Variants in SMARCAL1 observed in about 807,000 individuals in gnomAD.
SMARCAL1 encodes SNF2 related chromatin remodeling annealing helicase 1.
A neutral mutation model predicts 94.5 loss-of-function variants in SMARCAL1; 58 were observed. That is an observed-to-expected ratio of 0.61 (90% CI 0.50 to 0.76). The LOEUF (loss-of-function observed/expected upper bound fraction) is 0.76, where lower values mean the gene tolerates loss of function less well. SMARCAL1 is among the 30% of genes least tolerant of loss of function. The pLI, the probability that SMARCAL1 is intolerant of heterozygous loss-of-function variation, is 0.00. For missense variants in SMARCAL1, 1,051 were observed against 1,177.9 expected (o/e 0.89, Z 1.58); for synonymous variants, 422 against 455.1 (o/e 0.93, Z 0.93).
rs143100109 is a variant in SMARCAL1 at position 216,447,093 on chromosome 2, G to A, written c.1786G>A (p.Ala596Thr). Reference sequence around the variant, plus strand: ...CGCAGAGCTCTACACGCAGATCATCGCAGTCAAGCCAACTTTCTTCCCCCA... The same window carrying A: ...CGCAGAGCTCTACACGCAGATCATCACAGTCAAGCCAACTTTCTTCCCCCA... ...RPAELYTQIIAVKPTFFPQFH... is the reference protein window; with the variant it reads ...RPAELYTQIITVKPTFFPQFH... The change falls in exon 11 of 18, where the codon GCA becomes ACA. Residue 596 changes from alanine to threonine, a missense_variant. Physicochemically the swap from Ala to Thr is moderately conservative, Grantham distance 58 (BLOSUM62 0). This residue lies in a region of SMARCAL1 where 642 missense variants were observed against 754.7 expected (regional missense o/e 0.85). Coordinates refer to ENST00000357276, the MANE Select transcript of SMARCAL1 (RefSeq NM_014140.4). The A allele has an allele frequency of 8.7e-5, 140 of 1,613,970 alleles. No individual in the cohort carries two copies. The highest frequency in any genetic ancestry group is 8.3e-4 in the East Asian group (37 of 44,826).
chr2:216,434,455 G>T (rs1694032733), intron 8 of SMARCAL1, among the ~76,000 whole-genome samples: 1 of 152,144 alleles, frequency 6.6e-6, no homozygotes, highest in Non-Finnish European at 1.5e-5. Flanking sequence ...CTCTTAAAAA[G>T]AGTCGCATTC....
At chr2:216,412,766 G>C (rs1392032921) in intron 1 of SMARCAL1, 118 bp downstream of exon 1, 3 of 152,558 alleles carry the variant, frequency 2.0e-5, no homozygotes, top group African/African-American at 7.2e-5. Context: ...AGGGGTGGGA[G>C]TGGGGCGTGG....
chr2:216,432,905 G>GT (rs1693998001), intron 8 of SMARCAL1, 37 bp downstream of exon 8: 1 of 1,612,704 alleles, frequency 6.2e-7, no homozygotes, highest in East Asian at 2.2e-5. Flanking sequence ...CACAGAGAAG[G>GT]TTTTCTTCAG....
At chr2:216,420,604 C>T (rs1020094644) in intron 5 of SMARCAL1, 72 bp downstream of exon 5, 14 of 1,194,102 alleles carry the variant, frequency 1.2e-5, no homozygotes, top group Non-Finnish European at 1.6e-5. Context: ...GTGTTTTTCT[C>T]TACCTCGAAT....
intron 13 of SMARCAL1, among the ~76,000 whole-genome samples, chr2:216,466,544 G>T (rs1694833160): frequency 6.6e-6 from 1 of 152,156 alleles, no homozygotes; most frequent in East Asian, 1.9e-4. Flanking sequence ...GCTGTTGTTT[G>T]TTTTTTCATT....
At chr2:216,449,819 A>T (rs1254179953) in intron 11 of SMARCAL1, among the ~76,000 whole-genome samples, 1 of 151,604 alleles carries the variant, frequency 6.6e-6, no homozygotes, top group East Asian at 1.9e-4. Context: ...TTGGTGAGGG[A>T]TAGGGTTTTT....
chr2:216,430,888 C>A (rs1574455363), intron 7 of SMARCAL1, among the ~76,000 whole-genome samples: 2 of 152,366 alleles, frequency 1.3e-5, no homozygotes, highest in Middle Eastern at 3.4e-3. Context: ...CCTGCCCTCC[C>A]CCCATCTGTC....
In SMARCAL1 at chr2:216,425,693, A is replaced by G. The variant is rs958100401; in HGVS notation, c.1147+2010A>G. Among the ~76,000 whole-genome samples, 3 of 152,232 alleles carry G rather than the reference A, an allele frequency of 2.0e-5. No individual in the cohort carries two copies. In the East Asian group the frequency reaches 5.8e-4, roughly 29 times the overall value. On this transcript the variant is annotated intron_variant, in intron 6 of 17. Coordinates refer to ENST00000357276, the MANE Select transcript of SMARCAL1 (RefSeq NM_014140.4). ...GCAGAGAAGGGTTTTATTGAGCAAC[A>G]GAACAGCTCTTAGTGGAGAGGGGAC... is the stretch of plus-strand genomic sequence containing the variant.
intron 10 of SMARCAL1, 140 bp from the exon 11 acceptor site, chr2:216,446,878 T>C (rs1045969348): frequency 1.6e-5 from 14 of 887,272 alleles, no homozygotes; most frequent in Middle Eastern, 2.2e-4. Context: ...ACTGCTTGCA[T>C]TGGCAATGCC....
In SMARCAL1 at chr2:216,475,771, C is replaced by T. The variant is rs971575227; in HGVS notation, c.2427+320C>T. Among the ~76,000 whole-genome samples the T allele has an allele frequency of 1.1e-4, 17 of 152,190 alleles. No individual in the cohort carries two copies. Among genetic ancestry groups the T allele is most frequent in the Admixed American group, 6.5e-4 (10 of 15,282 alleles). On this transcript the variant is annotated intron_variant, in intron 15 of 17. Coordinates refer to ENST00000357276, the MANE Select transcript of SMARCAL1 (RefSeq NM_014140.4). This position sits in a 1 kb window ranked among gnomAD's most constrained non-coding sequence, Gnocchi z 4.4. ...CTAGGATTACAGGTGTGAGCCACCA[C>T]GCCAGGCGATTGGCTGTTTTCTAGA...
At chr2:216,463,322 A>G (rs770461853) in intron 12 of SMARCAL1, among the ~76,000 whole-genome samples, 2 of 152,174 alleles carry the variant, frequency 1.3e-5, no homozygotes, top group Non-Finnish European at 2.9e-5. Flanking sequence ...ACAGAAATGT[A>G]TTGCTCATGG....
chr2:216,450,816 A>T (rs764362731), intron 11 of SMARCAL1, 30 bp from the exon 12 acceptor site: 1 of 1,587,254 alleles, frequency 6.3e-7, no homozygotes, highest in South Asian at 1.1e-5. Flanking sequence ...AAGGAGCCTC[A>T]TGGGGCTGTC....
At chr2:216,437,086 AAGAAT>A (rs1403021874) in intron 9 of SMARCAL1, among the ~76,000 whole-genome samples, 7 of 152,230 alleles carry the variant, frequency 4.6e-5, no homozygotes, top group African/African-American at 1.4e-4. Context: ...TGTTGTAAGA[AAGAAT>A]AGAGTGATGG....
intron 12 of SMARCAL1, chr2:216,451,641 G>A (rs1387300999): frequency 7.4e-6 from 1 of 135,836 alleles, no homozygotes; most frequent in African/African-American, 2.7e-5. Flanking sequence ...TTTGCCCAGG[G>A]TCTCTTAGCT....
chr2:216,438,006 C>G (rs1333692201), intron 9 of SMARCAL1, among the ~76,000 whole-genome samples: 6 of 152,198 alleles, frequency 3.9e-5, no homozygotes, highest in Non-Finnish European at 8.8e-5. Context: ...GCACCCTGAG[C>G]CCCTGAGGGC....
chr2:216,461,479 G>A (rs554351833), intron 12 of SMARCAL1, among the ~76,000 whole-genome samples: 15 of 152,168 alleles, frequency 9.9e-5, no homozygotes, highest in Non-Finnish European at 1.6e-4. Context: ...AAGTGGGAAG[G>A]AAAACAGGTT....
chr2:216,438,365 A>G (rs1309329771), intron 9 of SMARCAL1, 55 bp from the exon 10 acceptor site: 1 of 1,485,064 alleles, frequency 6.7e-7, no homozygotes, highest in Non-Finnish European at 9.4e-7. Flanking sequence ...AGTGACCCAT[A>G]TTTCTGTCCA....
At chr2:216,441,755 A>T (rs1017613555) in intron 10 of SMARCAL1, among the ~76,000 whole-genome samples, 3 of 152,230 alleles carry the variant, frequency 2.0e-5, no homozygotes, top group Non-Finnish European at 1.5e-5. Flanking sequence ...CTGGCCAGGC[A>T]TAACAATCTT....
In SMARCAL1 at chr2:216,414,944, T is replaced by C. The variant is rs1386553395; in HGVS notation, c.240T>C (p.Ser80=). The C allele has an allele frequency of 6.2e-7, 1 of 1,614,226 alleles. No individual in the cohort carries two copies. Among genetic ancestry groups the C allele is most frequent in the Admixed American group, 1.7e-5 (1 of 60,026 alleles). Residue 80 remains serine (S), a synonymous_variant, in exon 3 of 18, where the codon TCT becomes TCC. Coordinates refer to ENST00000357276, the MANE Select transcript of SMARCAL1 (RefSeq NM_014140.4). Reference sequence around the variant, plus strand: ...AGCAACAGAATCTCAGTAGCTCATCTAATGCTGACCAAAGACCTCATGATT... The same window carrying C: ...AGCAACAGAATCTCAGTAGCTCATCCAATGCTGACCAAAGACCTCATGATT... ...IFKQQNLSSS[S]NADQRPHDSH...
Sources: allele counts gnomAD v4.1 joint callset (sites outside exome capture counted in the v4.1 genomes callset), GRCh38; gene constraint gnomAD v4.1.1; regional missense constraint gnomAD v4.1.1; non-coding constraint Gnocchi (gnomAD v3.1); transcripts MANE v1.5; gene names NCBI Gene and HGNC (gene_info 2026-07-23, HGNC 2026-07-21).